DAG1: variants seen among roughly 807,000 people sequenced by gnomAD.
DAG1 encodes dystroglycan 1 (dystrophin-associated glycoprotein 1).
Under a neutral mutation model 46.1 loss-of-function variants are expected in DAG1, and 8 were observed. The observed-to-expected ratio is 0.17, with a 90% CI of 0.10 to 0.31. The LOEUF (loss-of-function observed/expected upper bound fraction) is 0.31. DAG1 is among the 10% of genes least tolerant of loss of function. The pLI is 1.00. For missense variants in DAG1, 1,003 were observed against 1,189.9 expected (o/e 0.84, Z 2.31); for synonymous variants, 495 against 481.8 (o/e 1.03, Z -0.36).
chr3:49,479,952 CTTT>C (rs1265876485), intron 1 of DAG1, among the ~76,000 whole-genome samples: 2 of 90,672 alleles, frequency 2.2e-5, no homozygotes, highest in African/African-American at 4.1e-5. Context: ...ATATAACATT[CTTT>C]TTTTTTTTTT....
chr3:49,486,453 T>C (rs1053670215), intron 1 of DAG1, among the ~76,000 whole-genome samples: 4 of 151,302 alleles, frequency 2.6e-5, no homozygotes, highest in Non-Finnish European at 5.9e-5. Context: ...CTCCTGACCT[T>C]GTGATCCTCC....
chr3:49,506,364 C>T (rs1163126101), intron 1 of DAG1, among the ~76,000 whole-genome samples: 1 of 152,134 alleles, frequency 6.6e-6, no homozygotes, highest in African/African-American at 2.4e-5. Context: ...CATTCTTTGC[C>T]TTGTTTCTGT....
intron 1 of DAG1, among the ~76,000 whole-genome samples, chr3:49,487,864 G>A (rs775456209): frequency 2.0e-5 from 3 of 151,604 alleles, no homozygotes; most frequent in Non-Finnish European, 4.4e-5. Context: ...CACCATACAC[G>A]GCTAATTTTT....
chr3:49,520,120 T>C (rs1190014323), intron 2 of DAG1, among the ~76,000 whole-genome samples: 1 of 152,214 alleles, frequency 6.6e-6, no homozygotes, highest in Non-Finnish European at 1.5e-5. Context: ...CATGATTTTT[T>C]ACCTCAGGTG....
chr3:49,523,228 GC>G (rs2051083566), intron 2 of DAG1, among the ~76,000 whole-genome samples: 1 of 152,134 alleles, frequency 6.6e-6, no homozygotes, highest in South Asian at 2.1e-4. Flanking sequence ...GTGTAAATGT[GC>G]CAGGATCTAG....
intron 1 of DAG1, among the ~76,000 whole-genome samples, chr3:49,501,805 C>T (rs1575374181): frequency 7.3e-6 from 1 of 136,402 alleles, no homozygotes; most frequent in East Asian, 2.7e-4. Flanking sequence ...CAGAGTGAGA[C>T]TCCCTCTCCA....
intron 2 of DAG1, among the ~76,000 whole-genome samples, chr3:49,522,160 G>C (rs2051046377): frequency 6.6e-6 from 1 of 152,120 alleles, no homozygotes; most frequent in Non-Finnish European, 1.5e-5. Flanking sequence ...CTCCCAAGTA[G>C]CTGGGATTAC....
At chr3:49,476,024 C>T (rs1185917209) in intron 1 of DAG1, among the ~76,000 whole-genome samples, 1 of 152,042 alleles carries the variant, frequency 6.6e-6, no homozygotes, top group Non-Finnish European at 1.5e-5. Context: ...CATAGCTAAG[C>T]ATTTTCTTAG....
intron 2 of DAG1, among the ~76,000 whole-genome samples, chr3:49,527,413 A>ACAGGAGAATGAGG (rs1465578772): frequency 1.3e-5 from 2 of 151,526 alleles, no homozygotes; most frequent in South Asian, 2.1e-4. Context: ...AGTCCCAGCT[A>ACAGGAGAATGAGG]CAGGAGAATG....
intron 1 of DAG1, among the ~76,000 whole-genome samples, chr3:49,506,879 AGGT>A (rs891455984): frequency 4.0e-5 from 6 of 151,760 alleles, no homozygotes; most frequent in South Asian, 2.1e-4. Flanking sequence ...CAGGAGGCTG[AGGT>A]GGTGGGGACT....
intron 1 of DAG1, among the ~76,000 whole-genome samples, chr3:49,475,701 CTTT>C (rs398038718): frequency 7.3e-6 from 1 of 136,224 alleles, no homozygotes; most frequent in Non-Finnish European, 1.6e-5. Flanking sequence ...TTTTCTTTTT[CTTT>C]TTTTTTTTTT....
At chr3:49,518,050 C>T in intron 2 of DAG1, among the ~76,000 whole-genome samples, 1 of 152,258 alleles carries the variant, frequency 6.6e-6, no homozygotes, top group East Asian at 1.9e-4. Flanking sequence ...AGGCTTTCTT[C>T]CCCAAGTATC....
chr3:49,484,983 ATTATT>A (rs928746879), intron 1 of DAG1, among the ~76,000 whole-genome samples: 2 of 150,676 alleles, frequency 1.3e-5, no homozygotes, highest in African/African-American at 2.4e-5. Context: ...TTTTATTGTT[ATTATT>A]TTATTTTATT....
chr3:49,473,796 C>T (rs541526121), intron 1 of DAG1, among the ~76,000 whole-genome samples: 2 of 151,392 alleles, frequency 1.3e-5, no homozygotes, highest in Non-Finnish European at 3.0e-5. Context: ...GTTGGCCAGC[C>T]TAATCTTGAA....
chr3:49,528,253 C>T (rs1009534969), intron 2 of DAG1, among the ~76,000 whole-genome samples: 1 of 139,408 alleles, frequency 7.2e-6, no homozygotes, highest in Non-Finnish European at 1.5e-5. Context: ...GATTTTTCAG[C>T]CAAAACATTT....
chr3:49,471,078 C>T (rs1270107592), intron 1 of DAG1: 1 of 152,216 alleles, frequency 6.6e-6, no homozygotes, highest in Non-Finnish European at 1.5e-5. Flanking sequence ...CAACTGGTAA[C>T]TTAAAATGCA....
Position 49,531,775 on chromosome 3 carries a change from A to T in DAG1, c.1264A>T (p.Thr422Ser). 6.2e-7 allele frequency: 1 copy of T among 1,613,282 alleles called. No individual in the cohort carries two copies. The highest frequency in any genetic ancestry group is 8.5e-7 in the Non-Finnish European group (1 of 1,179,772). Residue 422 changes from threonine to serine, a missense_variant, in exon 3 of 3, where the codon ACC becomes TCC. Transcript: ENST00000308775. This position sits in a 1 kb window ranked among gnomAD's most constrained non-coding sequence, Gnocchi z 7.0. The part of the protein sequence containing the change: ...EPTAVATPPT[T>S]TTKKPRVSTP... The stretch of plus-strand genomic sequence containing the variant: ...TACTGCAGTTGCTACCCCTCCCACA[A>T]CCACCACCAAGAAGCCACGAGTATC...
At chr3:49,508,145 G>A (rs542253825) in intron 1 of DAG1, among the ~76,000 whole-genome samples, 1 of 145,680 alleles carries the variant, frequency 6.9e-6, no homozygotes, top group Admixed American at 6.9e-5. Context: ...GTTTCATTGG[G>A]GTTTTTTGCT....
chr3:49,505,770 C>T (rs1430856095), intron 1 of DAG1, among the ~76,000 whole-genome samples: 1 of 151,870 alleles, frequency 6.6e-6, no homozygotes, highest in African/African-American at 2.4e-5. Flanking sequence ...CTCCCAGGTT[C>T]AAACAATTCT....
Sources: allele counts gnomAD v4.1 joint callset (sites outside exome capture counted in the v4.1 genomes callset), GRCh38; gene constraint gnomAD v4.1.1; non-coding constraint Gnocchi (gnomAD v3.1); transcripts MANE v1.5; gene names NCBI Gene and HGNC (gene_info 2026-07-23, HGNC 2026-07-21).